Variants in CDH13 observed in about 807,000 individuals in gnomAD.
CDH13 encodes the protein cadherin 13, also known as cadherin-13.
Under a neutral mutation model 63.8 loss-of-function variants are expected in CDH13, and 24 were observed. That is an observed-to-expected ratio of 0.38 (90% confidence interval 0.27 to 0.53). CDH13 has a LOEUF of 0.53. Among genes scored for constraint, CDH13 ranks in the 20% least tolerant of loss-of-function variants. The pLI, the probability that CDH13 is intolerant of heterozygous loss-of-function variation, is 0.85. For synonymous variants in CDH13, 503 were observed against 355.3 expected (o/e 1.42, Z -4.67); for missense variants, 1,049 against 903.1 (o/e 1.16, Z -2.07).
At chr16:82,698,156 G>A (rs1356012054) in intron 1 of CDH13, among the ~76,000 whole-genome samples, 2 of 152,230 alleles carry the variant, frequency 1.3e-5, no homozygotes, top group Non-Finnish European at 2.9e-5. Flanking sequence ...TCAAAGTATG[G>A]AAGATTGGAG....
chr16:82,940,647 T>C (rs2151307989), intron 2 of CDH13, among the ~76,000 whole-genome samples: 1 of 152,336 alleles, frequency 6.6e-6, no homozygotes, highest in Non-Finnish European at 1.5e-5. Flanking sequence ...AGAAAACTAA[T>C]CAGCGTCTAC....
chr16:83,342,439 C>G (rs113772667), intron 5 of CDH13, among the ~76,000 whole-genome samples: 2,483 of 152,312 alleles, frequency 0.016, 67 homozygotes, highest in African/African-American at 0.056. Flanking sequence ...GAAAATCCCA[C>G]TTAACAGCCC....
intron 1 of CDH13, among the ~76,000 whole-genome samples, chr16:82,693,388 A>T (rs1433375096): frequency 6.6e-6 from 1 of 152,300 alleles, no homozygotes; most frequent in East Asian, 1.9e-4. Flanking sequence ...GTACATGAAA[A>T]CACAGTTGTG....
chr16:82,778,074 G>A (rs2151108764), intron 1 of CDH13, among the ~76,000 whole-genome samples: 1 of 152,268 alleles, frequency 6.6e-6, no homozygotes, highest in East Asian at 1.9e-4. Flanking sequence ...CAGTGGAGGG[G>A]ATTACACAAG....
intron 7 of CDH13, among the ~76,000 whole-genome samples, chr16:83,522,676 A>C (rs4284623): frequency 0.34 from 52,228 of 152,024 alleles, 9,696 homozygotes; most frequent in African/African-American, 0.48. Context: ...TCTCATCAGC[A>C]GGTGGGCGGC....
intron 2 of CDH13, among the ~76,000 whole-genome samples, chr16:82,916,560 T>C (rs373244643): frequency 6.9e-6 from 1 of 145,642 alleles, no homozygotes; most frequent in South Asian, 2.2e-4. Context: ...GGTGACAGGG[T>C]GAGACTCTGT....
At chr16:83,463,634 A>G (rs2087372) in intron 6 of CDH13, among the ~76,000 whole-genome samples, 1 of 151,858 alleles carries the variant, frequency 6.6e-6, no homozygotes, top group African/African-American at 2.4e-5. Flanking sequence ...GACCCCCATC[A>G]TTATAAAAAT....
intron 8 of CDH13, chr16:83,655,286 T>C (rs1287088690): frequency 2.0e-5 from 3 of 152,250 alleles, no homozygotes; most frequent in Admixed American, 1.3e-4. Context: ...TGATCTGCAC[T>C]TGTTCATTTA....
chr16:83,025,759 A>G (rs1267128051), intron 2 of CDH13, among the ~76,000 whole-genome samples: 2 of 152,192 alleles, frequency 1.3e-5, no homozygotes, highest in Non-Finnish European at 2.9e-5. Context: ...CTGGCATGCC[A>G]GTCCCCAACC....
intron 5 of CDH13, among the ~76,000 whole-genome samples, chr16:83,327,898 C>T (rs746037411): frequency 9.9e-5 from 15 of 152,236 alleles, no homozygotes; most frequent in East Asian, 1.9e-4. Flanking sequence ...TTTGGGAGTC[C>T]GAAGCGGGTG....
intron 3 of CDH13, among the ~76,000 whole-genome samples, chr16:83,102,061 A>G (rs769066010): frequency 6.6e-6 from 1 of 152,216 alleles, no homozygotes; most frequent in Non-Finnish European, 1.5e-5. Context: ...GTAATGTGTC[A>G]GAGCCAGAAA....
intron 1 of CDH13, among the ~76,000 whole-genome samples, chr16:82,842,097 T>C (rs1214670264): frequency 6.0e-5 from 2 of 33,132 alleles, no homozygotes; most frequent in Non-Finnish European, 1.2e-4. Context: ...TCTACATATA[T>C]ATATATATAT....
At chr16:82,915,691 CTG>C (rs2041964828) in intron 2 of CDH13, among the ~76,000 whole-genome samples, 1 of 151,826 alleles carries the variant, frequency 6.6e-6, no homozygotes, top group African/African-American at 2.4e-5. Context: ...GAAAGGGGTC[CTG>C]TGAGTTTTGA....
intron 1 of CDH13, among the ~76,000 whole-genome samples, chr16:82,808,858 C>A (rs1231661832): frequency 6.6e-6 from 1 of 152,034 alleles, no homozygotes; most frequent in Admixed American, 6.6e-5. Context: ...TTCATTTAAC[C>A]TTTTTACTAT....
At chr16:83,234,697 T>C (rs965296113) in intron 5 of CDH13, among the ~76,000 whole-genome samples, 5 of 152,188 alleles carry the variant, frequency 3.3e-5, no homozygotes, top group Non-Finnish European at 7.3e-5. Context: ...CAAAACACAT[T>C]TGTAGCCCTA....
At chr16:83,480,345 C>A (rs1199171943) in intron 6 of CDH13, among the ~76,000 whole-genome samples, 4 of 152,186 alleles carry the variant, frequency 2.6e-5, no homozygotes, top group Non-Finnish European at 4.4e-5. Flanking sequence ...TGGGGCTTAA[C>A]TGCCCAGAGA....
chr16:83,184,331 C>T (rs1436460152), intron 4 of CDH13, among the ~76,000 whole-genome samples: 2 of 152,110 alleles, frequency 1.3e-5, no homozygotes, highest in Admixed American at 1.3e-4. Flanking sequence ...ACTCTGTCGA[C>T]TCTTTGCTTT....
At chr16:83,037,568 T>C (rs773389973) in intron 3 of CDH13, among the ~76,000 whole-genome samples, 1 of 152,162 alleles carries the variant, frequency 6.6e-6, no homozygotes, top group Non-Finnish European at 1.5e-5. Flanking sequence ...TGGAGATGAA[T>C]TGGACCAGTC....
chr16:83,153,749 ATCTCAGACTTCTAACT>A (rs2037088266), intron 4 of CDH13, among the ~76,000 whole-genome samples: 1 of 152,190 alleles, frequency 6.6e-6, no homozygotes, highest in Non-Finnish European at 1.5e-5. Context: ...CATTACCTTG[ATCTCAGACTTCTAACT>A]TCCAAAACCA....
Sources: allele counts gnomAD v4.1 joint callset (sites outside exome capture counted in the v4.1 genomes callset), GRCh38; gene constraint gnomAD v4.1.1; transcripts MANE v1.5; gene names NCBI Gene and HGNC (gene_info 2026-07-23, HGNC 2026-07-21).